CNMD: variants seen among roughly 807,000 people sequenced by gnomAD.
CNMD encodes the protein chondromodulin.
CNMD carries 30 observed loss-of-function variants against 37.5 expected under a neutral mutation model. The observed-to-expected ratio is 0.80, with a 90% CI of 0.60 to 1.09. CNMD has a LOEUF of 1.09. CNMD is among the 50% of genes least tolerant of loss of function. The pLI is 0.00. For synonymous variants in CNMD, 167 were observed against 148.2 expected (o/e 1.13, Z -0.92); for missense variants, 398 against 423.9 (o/e 0.94, Z 0.54).
intron 4 of CNMD, among the ~76,000 whole-genome samples, chr13:52,714,575 A>T (rs1964338603): frequency 6.6e-6 from 1 of 152,202 alleles, no homozygotes. Flanking sequence ...AATGGTATTT[A>T]AAAATAGTTA....
rs180793250 is a variant in CNMD, at chr13:52,716,848, C to T, written c.469-3979G>A. Among the ~76,000 whole-genome samples, 39 of 152,034 alleles carry T rather than the reference C, an allele frequency of 2.6e-4. No homozygotes were observed. The East Asian group carries it at 6.0e-3, about 23-fold the overall frequency. On this transcript the variant is annotated intron_variant, in intron 4 of 6. Coordinates refer to ENST00000377962, the MANE Select transcript of CNMD (RefSeq NM_007015.3). The stretch of plus-strand genomic sequence containing the variant: ...TTATACGGGCTCTTTTTTGGTTCCA[C>T]GTGAAATTTAAAGTAGTTTTTTCTA...
chr13:52,703,550 C>G lies in CNMD; in HGVS notation c.*45G>C, dbSNP rs999518543. On this transcript the variant is annotated 3_prime_UTR_variant, in exon 7 of 7. Coordinates refer to ENST00000377962, the MANE Select transcript of CNMD (RefSeq NM_007015.3). The stretch of plus-strand genomic sequence containing the variant: ...TGCCTTAATGCTTCTTTGGTTGTCT[C>G]TTCAGCTAGTTCTTATTTTACAGCA... 1.3e-5 allele frequency: 18 copies of G among 1,384,592 alleles called. No individual in the cohort carries two copies. Among genetic ancestry groups the G allele is most frequent in the Middle Eastern group, 5.0e-4 (2 of 4,034 alleles). 85.8% of individuals were successfully genotyped at this position (1,384,592 alleles called of 1,614,324 possible).
rs61959622 is a variant in CNMD at position 52,703,946 on chromosome 13, C to A, written c.790-136G>T. ...TCTGTAAAGGGTTTGATCTTGTTTA[C>A]CCTGTCATTCATAATTCATGTTCAC... is the stretch of plus-strand genomic sequence containing the variant. On this transcript the variant is annotated intron_variant, in intron 6 of 6. Coordinates refer to ENST00000377962, the MANE Select transcript of CNMD (RefSeq NM_007015.3). 2,353 of 666,824 alleles carry A rather than the reference C, an allele frequency of 3.5e-3. 8 individuals are homozygous for A. The highest frequency in any genetic ancestry group is 6.0e-3 in the South Asian group (279 of 46,652). 41.3% of individuals were successfully genotyped at this position (666,824 alleles called of 1,614,324 possible). A position where few individuals can be genotyped will look rare whatever the true frequency, so the allele number is the denominator to read the frequency against.
chr13:52,737,430 A>G (rs1255583988), intron 2 of CNMD, among the ~76,000 whole-genome samples: 3 of 152,228 alleles, frequency 2.0e-5, no homozygotes, highest in African/African-American at 4.8e-5. Context: ...AGCATTTAAT[A>G]CTGCTCTCCT....
intron 4 of CNMD, among the ~76,000 whole-genome samples, chr13:52,721,344 G>A (rs564972742): frequency 1.3e-5 from 2 of 152,322 alleles, no homozygotes; most frequent in African/African-American, 4.8e-5. Flanking sequence ...CCCCACTGGG[G>A]TATGAAGAAA....
intron 2 of CNMD, among the ~76,000 whole-genome samples, chr13:52,737,510 T>C (rs1964790427): frequency 6.6e-6 from 1 of 152,264 alleles, no homozygotes; most frequent in African/African-American, 2.4e-5. Context: ...TTATTCAGTA[T>C]GATTGTTTAA....
At chr13:52,724,417 CAAAAA>C (rs71094319) in intron 3 of CNMD, among the ~76,000 whole-genome samples, 34 of 85,818 alleles carry the variant, frequency 4.0e-4, no homozygotes, top group African/African-American at 1.4e-3. Flanking sequence ...ACTAAAAATA[CAAAAA>C]AAAAAAAAAA....
intron 3 of CNMD, among the ~76,000 whole-genome samples, chr13:52,724,356 G>A (rs1414445228): frequency 2.1e-5 from 3 of 143,258 alleles, no homozygotes; most frequent in South Asian, 2.2e-4. Context: ...GGCAGATCAC[G>A]AGGTCAGGAG....
chr13:52,715,091 T>C (rs1372675679), intron 4 of CNMD, among the ~76,000 whole-genome samples: 1 of 152,154 alleles, frequency 6.6e-6, no homozygotes, highest in Non-Finnish European at 1.5e-5. Flanking sequence ...CAATGCATAA[T>C]TACCACATCA....
rs987174873 is a variant in CNMD, at chr13:52,739,511, C to G, written c.72+119G>C. 45 of 934,546 alleles carry G rather than the reference C, an allele frequency of 4.8e-5. No individual in the cohort carries two copies. The African/African-American group carries it at 6.6e-4, about 14-fold the overall frequency. The allele number at this position is 934,546 out of a possible 1,614,324, so 57.9% of individuals were successfully genotyped here. On this transcript the variant is annotated intron_variant, in intron 1 of 6. Transcript: ENST00000377962. The surrounding 1 kb of genome is among the most constrained non-coding windows in gnomAD (Gnocchi z 5.4). ...CGACATCCCACCCACACATTTGGGA[C>G]CCAAATTTATCCCCCCGCCAACACA...
At chr13:52,710,119 G>A (rs1210732239) in intron 5 of CNMD, among the ~76,000 whole-genome samples, 1 of 152,198 alleles carries the variant, frequency 6.6e-6, no homozygotes, top group Non-Finnish European at 1.5e-5. Context: ...TAAGCAGTGT[G>A]TTGCATATAA....
At chr13:52,710,112 G>A (rs890810733) in intron 5 of CNMD, among the ~76,000 whole-genome samples, 1 of 152,212 alleles carries the variant, frequency 6.6e-6, no homozygotes, top group Non-Finnish European at 1.5e-5. Flanking sequence ...AAAGGTTTAA[G>A]CAGTGTGTTG....
chr13:52,733,485 A>T, intron 2 of CNMD, 126 bp from the exon 3 acceptor site: 1 of 821,918 alleles, frequency 1.2e-6, no homozygotes, highest in Non-Finnish European at 2.1e-6. Flanking sequence ...CCTTAATAAT[A>T]ATACATTTAT....
chr13:52,733,051 G>T, intron 3 of CNMD, 168 bp downstream of exon 3: 2 of 672,496 alleles, frequency 3.0e-6, no homozygotes, highest in South Asian at 1.8e-5. Flanking sequence ...ACAAAGTCTG[G>T]TCCTTTCTCA....
chr13:52,739,631 G>A lies in CNMD; in HGVS notation c.71C>T (p.Pro24Leu), dbSNP rs370653677. The change falls in exon 1 of 7, where the codon CCG becomes CTG. Residue 24 changes from proline to leucine, a missense_variant and splice_region_variant. By Grantham distance (98) the Pro-to-Leu change is moderately conservative (BLOSUM62 -3). Coordinates refer to ENST00000377962, the MANE Select transcript of CNMD (RefSeq NM_007015.3). This position sits in a 1 kb window ranked among gnomAD's most constrained non-coding sequence, Gnocchi z 5.4. ...TGTGGAATCCCTGGCGGTACTCACC[G>A]GGGGGCTGCAGAATTCCACGTCATC... ...GPDDVEFCSP[P>L]AYATLTVKPS... The A allele has an allele frequency of 2.5e-6, 4 of 1,612,760 alleles. No individual in the cohort carries two copies. Among genetic ancestry groups the A allele is most frequent in the Admixed American group, 1.7e-5 (1 of 60,012 alleles).
chr13:52,736,445 T>C (rs923811997), intron 2 of CNMD, among the ~76,000 whole-genome samples: 1 of 152,318 alleles, frequency 6.6e-6, no homozygotes, highest in Admixed American at 6.5e-5. Flanking sequence ...CCACCTTTTA[T>C]GTGCACTGCA....
chr13:52,721,406 C>T (rs139042657), intron 4 of CNMD, among the ~76,000 whole-genome samples: 2,002 of 152,306 alleles, frequency 0.013, 45 homozygotes, highest in African/African-American at 0.045. Context: ...AGTTGAAACC[C>T]AGGGCCCTGG....
In CNMD at chr13:52,739,752, ATCT is replaced by A; in HGVS notation, c.-54_-52del. ...TTGGAGACTCCCTGGGCACCCTGGG[ATCT>A]GTCCCGCTGCCCCGACGTGCAGGGC... On this transcript the variant is annotated 5_prime_UTR_variant, in exon 1 of 7. Coordinates refer to ENST00000377962, the MANE Select transcript of CNMD (RefSeq NM_007015.3). This position sits in a 1 kb window ranked among gnomAD's most constrained non-coding sequence, Gnocchi z 5.4. The A allele has an allele frequency of 6.6e-7, 1 of 1,516,078 alleles. No homozygotes were observed. Among genetic ancestry groups the A allele is most frequent in the Non-Finnish European group, 9.2e-7 (1 of 1,092,450 alleles). 93.9% of individuals were successfully genotyped at this position (1,516,078 alleles called of 1,614,324 possible). A position where few individuals can be genotyped will look rare whatever the true frequency, so the allele number is the denominator to read the frequency against.
In CNMD at chr13:52,703,659, C is replaced by G; in HGVS notation, c.941G>C (p.Arg314Pro). 6.2e-7 allele frequency: 1 copy of G among 1,614,138 alleles called. No homozygotes were observed. The highest frequency in any genetic ancestry group is 8.5e-7 in the Non-Finnish European group (1 of 1,179,988). The change falls in exon 7 of 7, where the codon CGT becomes CCT. Residue 314 changes from arginine (R) to proline (P), a missense_variant. Transcript: ENST00000377962. ...TGGCATGATGACTCTGCAGGCCGAA[C>G]GGCAGCCTTGATAATTATAAGGCCA... ...YPWPYNYQGC[R>P]SACRVIMPCS...
Sources: allele counts gnomAD v4.1 joint callset (sites outside exome capture counted in the v4.1 genomes callset), GRCh38; gene constraint gnomAD v4.1.1; non-coding constraint Gnocchi (gnomAD v3.1); transcripts MANE v1.5; gene names NCBI Gene and HGNC (gene_info 2026-07-23, HGNC 2026-07-21).